AFG1L: variants seen among roughly 807,000 people sequenced by gnomAD.
The protein encoded by AFG1L is AFG1 like ATPase.
A neutral mutation model predicts 62.2 loss-of-function variants in AFG1L; 53 were observed. The ratio of observed to expected loss-of-function variants is 0.85; its 90% CI spans 0.68 to 1.07. The LOEUF is 1.07. Ranked by LOEUF, AFG1L falls within the 50% of genes least tolerant of loss-of-function variation. AFG1L has a pLI of 0.00. For missense variants in AFG1L, 555 were observed against 590.5 expected (o/e 0.94, Z 0.62); for synonymous variants, 228 against 210.3 (o/e 1.08, Z -0.73).
In AFG1L at chr6:108,475,398, C is replaced by CT. The variant is rs973641943; in HGVS notation, c.891-1459dup. On this transcript the variant is annotated intron_variant, in intron 8 of 12. Coordinates refer to ENST00000368977, the MANE Select transcript of AFG1L (RefSeq NM_145315.5). ...CTCAAAAGTAGCTTACTTTTAAGCT[C>CT]TTTTTTTTCTTTTTTTGCTTGTATA... 5.9e-5 allele frequency among the ~76,000 whole-genome samples: 9 copies of CT among 151,892 alleles called. No homozygotes were observed. In the East Asian group the frequency reaches 7.7e-4, roughly 13 times the overall value.
At chr6:108,495,005 C>A (rs1773921571) in intron 10 of AFG1L, among the ~76,000 whole-genome samples, 1 of 151,928 alleles carries the variant, frequency 6.6e-6, no homozygotes, top group South Asian at 2.1e-4. Context: ...CAACTCCTGA[C>A]CTCAAGTGAT....
At position 108,519,602 on chromosome 6, in the gene AFG1L, A is replaced by G. The variant is rs1179021783; in HGVS notation, c.1204-95A>G. On this transcript the variant is annotated intron_variant, in intron 11 of 12. Transcript: ENST00000368977. Reference sequence around the variant, plus strand: ...TAAAAGCAAAGATCCAAGCTCCTGTATGTGAAAAACAGACTTTTATTTTGT... The same window carrying G: ...TAAAAGCAAAGATCCAAGCTCCTGTGTGTGAAAAACAGACTTTTATTTTGT... 1.0e-5 allele frequency: 7 copies of G among 684,716 alleles called. No homozygotes were observed. In the South Asian group the frequency reaches 1.1e-4, roughly 10 times the overall value. The allele number at this position is 684,716 out of a possible 1,614,324, so 42.4% of individuals were successfully genotyped here.
At chr6:108,478,127 T>G (rs1165552944) in intron 10 of AFG1L, among the ~76,000 whole-genome samples, 1 of 152,234 alleles carries the variant, frequency 6.6e-6, no homozygotes, top group Non-Finnish European at 1.5e-5. Context: ...GCGGCCATTT[T>G]ATGAGTGCTT....
At chr6:108,319,365 C>T (rs77821869) in intron 1 of AFG1L, among the ~76,000 whole-genome samples, 13 of 152,238 alleles carry the variant, frequency 8.5e-5, no homozygotes, top group African/African-American at 2.9e-4. Flanking sequence ...CTTAGCCCTC[C>T]GAGTAGCAAT....
chr6:108,389,120 A>G (rs1255813547), intron 6 of AFG1L, among the ~76,000 whole-genome samples: 1 of 152,122 alleles, frequency 6.6e-6, no homozygotes, highest in Non-Finnish European at 1.5e-5. Flanking sequence ...TGATCCCTTT[A>G]CCATTATGTA....
At chr6:108,342,148 C>G (rs763129303) in intron 2 of AFG1L, among the ~76,000 whole-genome samples, 1 of 152,100 alleles carries the variant, frequency 6.6e-6, no homozygotes, top group African/African-American at 2.4e-5. Context: ...AGCTCTGAAG[C>G]AGGGAGGGAT....
At chr6:108,306,096 G>A (rs1777188058) in intron 1 of AFG1L, among the ~76,000 whole-genome samples, 1 of 152,128 alleles carries the variant, frequency 6.6e-6, no homozygotes, top group African/African-American at 2.4e-5. Flanking sequence ...TAGAGATGGG[G>A]TTTTGCCATA....
chr6:108,434,968 G>T (rs1359331001), intron 7 of AFG1L, among the ~76,000 whole-genome samples: 2 of 152,162 alleles, frequency 1.3e-5, no homozygotes, highest in Non-Finnish European at 2.9e-5. Context: ...CATTTTTGGG[G>T]TTAGTTGTTA....
At chr6:108,301,704 T>C (rs2114818793) in intron 1 of AFG1L, among the ~76,000 whole-genome samples, 1 of 152,284 alleles carries the variant, frequency 6.6e-6, no homozygotes, top group African/African-American at 2.4e-5. Flanking sequence ...TAAATAAAAT[T>C]ATCCCAAGTA....
chr6:108,506,241 C>T (rs1000631887), intron 10 of AFG1L, among the ~76,000 whole-genome samples: 5 of 152,192 alleles, frequency 3.3e-5, no homozygotes, highest in South Asian at 2.1e-4. Flanking sequence ...GACAAGGTCT[C>T]TGTCGACCAG....
At chr6:108,343,054 G>A (rs1778737149) in intron 2 of AFG1L, among the ~76,000 whole-genome samples, 1 of 151,448 alleles carries the variant, frequency 6.6e-6, no homozygotes, top group African/African-American at 2.4e-5. Flanking sequence ...GACTGTGAGT[G>A]CAACTTTTTC....
chr6:108,307,229 G>T (rs554304540), intron 1 of AFG1L, among the ~76,000 whole-genome samples: 1 of 151,754 alleles, frequency 6.6e-6, no homozygotes, highest in African/African-American at 2.4e-5. Context: ...GGCCAGGCTG[G>T]TCTAGAACTC....
intron 11 of AFG1L, among the ~76,000 whole-genome samples, chr6:108,513,470 C>T (rs948411070): frequency 4.6e-5 from 7 of 152,196 alleles, no homozygotes; most frequent in African/African-American, 1.2e-4. Context: ...GATTATATCC[C>T]GCGCATGGCT....
At chr6:108,456,249 T>G (rs1291153350) in intron 8 of AFG1L, among the ~76,000 whole-genome samples, 1 of 152,160 alleles carries the variant, frequency 6.6e-6, no homozygotes, top group East Asian at 1.9e-4. Flanking sequence ...CACTTCAGCT[T>G]TTTTAAAATT....
chr6:108,511,180 G>A (rs1403880806), intron 11 of AFG1L, among the ~76,000 whole-genome samples: 1 of 151,604 alleles, frequency 6.6e-6, no homozygotes, highest in South Asian at 2.1e-4. Flanking sequence ...AAGGAAGAAG[G>A]AAGAGAAGGA....
chr6:108,491,686 G>A (rs925982263), intron 10 of AFG1L, among the ~76,000 whole-genome samples: 7 of 152,336 alleles, frequency 4.6e-5, no homozygotes, highest in African/African-American at 1.7e-4. Context: ...AGAAGATGAA[G>A]TGAATAATTC....
At chr6:108,339,084 A>C (rs966335198) in intron 2 of AFG1L, among the ~76,000 whole-genome samples, 1 of 152,154 alleles carries the variant, frequency 6.6e-6, no homozygotes, top group Non-Finnish European at 1.5e-5. Flanking sequence ...TTTCAACGTT[A>C]AAGCAATTTG....
intron 4 of AFG1L, among the ~76,000 whole-genome samples, 168 bp downstream of exon 4, chr6:108,355,923 A>G (rs1779270873): frequency 6.6e-6 from 1 of 152,234 alleles, no homozygotes; most frequent in Admixed American, 6.5e-5. Context: ...TAATGTGTCC[A>G]GAGTTGGTCC....
chr6:108,376,016 G>A (rs1026161135), intron 6 of AFG1L, among the ~76,000 whole-genome samples: 2 of 151,894 alleles, frequency 1.3e-5, no homozygotes, highest in Non-Finnish European at 1.5e-5. Flanking sequence ...TTGGTGTTTC[G>A]ATTTCTTTCT....
Sources: allele counts gnomAD v4.1 joint callset (sites outside exome capture counted in the v4.1 genomes callset), GRCh38; gene constraint gnomAD v4.1.1; transcripts MANE v1.5; gene names NCBI Gene and HGNC (gene_info 2026-07-23, HGNC 2026-07-21).